EXD3: variants seen among roughly 807,000 people sequenced by gnomAD.
EXD3 encodes the protein exonuclease 3'-5' domain containing 3.
In EXD3, 92 loss-of-function variants were observed where a neutral mutation model predicts 98.0. That is an observed-to-expected ratio of 0.94 (90% confidence interval 0.79 to 1.12). The LOEUF (loss-of-function observed/expected upper bound fraction) is 1.12. Ranked by LOEUF, EXD3 falls within the 50% of genes most tolerant of loss-of-function variation. The pLI is 0.00. For missense variants in EXD3, 1,222 were observed against 1,191.6 expected, an observed-to-expected ratio of 1.03 and a Z score of -0.38; for synonymous variants, 569 against 526.0, an observed-to-expected ratio of 1.08 and a Z score of -1.12.
intron 17 of EXD3, chr9:137,345,651 G>A (rs1283088594): frequency 1.6e-5 from 2 of 122,204 alleles, no homozygotes; most frequent in Non-Finnish European, 3.6e-5. Context: ...AACAGAGTGA[G>A]GCTTTGTCTC....
chr9:137,315,096 G>A (rs1831571960), intron 19 of EXD3, among the ~76,000 whole-genome samples: 1 of 152,170 alleles, frequency 6.6e-6, no homozygotes, highest in Admixed American at 6.5e-5. Flanking sequence ...AGCCCTGCCT[G>A]GCCCACCAGG....
chr9:137,332,982 G>A (rs1833165997), intron 17 of EXD3, among the ~76,000 whole-genome samples: 1 of 152,164 alleles, frequency 6.6e-6, no homozygotes. Context: ...TGTTGCCAAA[G>A]GGGATTCACA....
chr9:137,323,993 C>A, intron 18 of EXD3, 97 bp downstream of exon 18: 2 of 1,531,312 alleles, frequency 1.3e-6, no homozygotes, highest in Non-Finnish European at 1.8e-6. Flanking sequence ...GGGGGTCGGC[C>A]CCACGGCAAG....
Position 137,394,154 on chromosome 9 carries a change from A to C in EXD3, c.55+1149T>G, listed in dbSNP as rs1837087068. Among the ~76,000 whole-genome samples, 3 of 97,466 alleles carry C rather than the reference A, an allele frequency of 3.1e-5. 1 individual carries two copies. The highest frequency in any genetic ancestry group is 7.3e-5 in the African/African-American group (2 of 27,322). The allele number at this position is 97,466 out of a possible 152,430, so 63.9% of individuals were successfully genotyped here. ...CAGCCTCCCAGCCTCCATTTCCCTA[A>C]CCCTGGCCTCCCAGCCTCTGCTTCC... is the stretch of plus-strand genomic sequence containing the variant. On this transcript the variant is annotated intron_variant, in intron 2 of 21. Coordinates refer to ENST00000340951, the MANE Select transcript of EXD3 (RefSeq NM_017820.5).
chr9:137,370,305 C>T lies in EXD3; in HGVS notation c.463-2316G>A, dbSNP rs141782579. On this transcript the variant is annotated intron_variant, in intron 5 of 21. Coordinates refer to ENST00000340951, the MANE Select transcript of EXD3 (RefSeq NM_017820.5). ...GGTGTACAGCTGCCCACTGTCCATG[C>T]CTGGCCACTTGGGAAACTCAGCAGG... 1.6e-4 allele frequency among the ~76,000 whole-genome samples: 24 copies of T among 152,304 alleles called. 2 individuals carry two copies. The East Asian group carries it at 4.4e-3, about 28-fold the overall frequency.
intron 17 of EXD3, among the ~76,000 whole-genome samples, chr9:137,326,302 G>T (rs991620805): frequency 2.0e-5 from 3 of 152,106 alleles, no homozygotes; most frequent in Admixed American, 6.5e-5. Context: ...ATCTGACGAG[G>T]GGTTGATATC....
In EXD3 at chr9:137,393,175, G is replaced by T. The variant is rs1191743499; in HGVS notation, c.55+2128C>A. 8.5e-6 allele frequency: 6 copies of T among 702,590 alleles called. No individual in the cohort carries two copies. Among genetic ancestry groups the T allele is most frequent in the South Asian group, 7.4e-5 (5 of 67,586 alleles). 43.5% of individuals were successfully genotyped at this position (702,590 alleles called of 1,614,324 possible). ...CAGGGGCCCTGCTAGCTGGGGTGTT[G>T]CACTTTGAAAACATCCCACTCTGCT... is the stretch of plus-strand genomic sequence containing the variant. On this transcript the variant is annotated intron_variant, in intron 2 of 21. Transcript: ENST00000340951. The surrounding 1 kb of genome is among the most constrained non-coding windows in gnomAD (Gnocchi z 4.6).
At chr9:137,417,597 A>G (rs1306944358) in intron 1 of EXD3, among the ~76,000 whole-genome samples, 7 of 151,966 alleles carry the variant, frequency 4.6e-5, no homozygotes, top group Admixed American at 4.6e-4. Flanking sequence ...CGCACAAACT[A>G]CCCCAGCCGC....
At chr9:137,315,888 C>G (rs1295537240) in intron 19 of EXD3, among the ~76,000 whole-genome samples, 2 of 151,920 alleles carry the variant, frequency 1.3e-5, no homozygotes, top group South Asian at 2.1e-4. Context: ...AACACGGTGC[C>G]CTGGGCCTCG....
At chr9:137,399,073 C>T (rs1293918492) in intron 1 of EXD3, among the ~76,000 whole-genome samples, 3 of 152,202 alleles carry the variant, frequency 2.0e-5, no homozygotes, top group African/African-American at 4.8e-5. Flanking sequence ...CAGGCGCATC[C>T]ACGTCCCCAT....
At chr9:137,377,875 T>A (rs1017982833) in intron 3 of EXD3, among the ~76,000 whole-genome samples, 1 of 135,412 alleles carries the variant, frequency 7.4e-6, no homozygotes, top group East Asian at 2.5e-4. Flanking sequence ...CTCACTGCAA[T>A]CTCTGCCTCC....
intron 1 of EXD3, among the ~76,000 whole-genome samples, chr9:137,400,102 T>C (rs1276080762): frequency 6.6e-6 from 1 of 151,206 alleles, no homozygotes; most frequent in Non-Finnish European, 1.5e-5. Context: ...TCAGATCTCA[T>C]GAGACTTACT....
intron 17 of EXD3, among the ~76,000 whole-genome samples, chr9:137,328,598 GGGAC>G: frequency 1.9e-5 from 1 of 52,234 alleles, no homozygotes. Context: ...GGGACTACAC[GGGAC>G]TACACGGGGC....
chr9:137,328,643 T>TACACGGGACTACACGGGGTC (rs1832663319), intron 17 of EXD3, among the ~76,000 whole-genome samples: 1 of 51,942 alleles, frequency 1.9e-5, no homozygotes, highest in African/African-American at 1.2e-4. Flanking sequence ...TACACGGGGC[T>TACACGGGACTACACGGGGTC]ACACGGGACT....
At chr9:137,348,283 C>A (rs1481364436) in intron 16 of EXD3, 45 bp from the exon 17 acceptor site, 1 of 1,575,950 alleles carries the variant, frequency 6.3e-7, no homozygotes, top group Non-Finnish European at 8.6e-7. Context: ...ACCCCCCAGC[C>A]CCTCACAGCC....
chr9:137,309,385 A>G (rs1310301959), intron 20 of EXD3, among the ~76,000 whole-genome samples: 1 of 152,134 alleles, frequency 6.6e-6, no homozygotes, highest in Non-Finnish European at 1.5e-5. Context: ...CTGGTCTGCT[A>G]CCACACAGAA....
At chr9:137,333,554 G>A (rs566712978) in intron 17 of EXD3, among the ~76,000 whole-genome samples, 11 of 152,148 alleles carry the variant, frequency 7.2e-5, no homozygotes, top group Admixed American at 2.0e-4. Flanking sequence ...GAGGCCACTC[G>A]ATCATGGGGG....
intron 7 of EXD3, among the ~76,000 whole-genome samples, chr9:137,357,940 C>G (rs897405477): frequency 2.0e-5 from 3 of 151,758 alleles, no homozygotes; most frequent in Non-Finnish European, 2.9e-5. Context: ...GCCCATCTAG[C>G]CTTCTCATGT....
At chr9:137,394,245 C>T (rs1356909753) in intron 2 of EXD3, among the ~76,000 whole-genome samples, 2 of 26,256 alleles carry the variant, frequency 7.6e-5, no homozygotes, top group Non-Finnish European at 1.3e-4. Flanking sequence ...TCCCTAACCC[C>T]GGCCTCCCAG....
Sources: gnomAD v4.1 joint callset for allele counts (sites outside exome capture counted in the v4.1 genomes callset) on GRCh38, gnomAD v4.1.1 for gene constraint, Gnocchi (gnomAD v3.1) non-coding constraint, MANE v1.5 for transcripts, NCBI Gene and HGNC (gene_info 2026-07-23, HGNC 2026-07-21) for gene names.